PLAGL1: variants seen among roughly 807,000 people sequenced by gnomAD.
PLAGL1 encodes the protein zinc finger protein PLAGL1.
In PLAGL1, 1 loss-of-function variant was observed where a neutral mutation model predicts 4.6. That is an observed-to-expected ratio of 0.22 (90% CI 0.08 to 1.03). The LOEUF (loss-of-function observed/expected upper bound fraction) is 1.03, where lower values mean the gene tolerates loss of function less well. Among genes scored for constraint, PLAGL1 ranks in the 50% least tolerant of loss-of-function variants. The pLI is 0.58. For synonymous variants in PLAGL1, 240 were observed against 237.8 expected, an observed-to-expected ratio of 1.01 and a Z score of -0.08; for missense variants, 464 against 570.4, an observed-to-expected ratio of 0.81 and a Z score of 1.90.
At chr6:144,019,762 A>C (rs1307611241) in intron 1 of PLAGL1, among the ~76,000 whole-genome samples, 1 of 144,380 alleles carries the variant, frequency 6.9e-6, no homozygotes, top group East Asian at 2.1e-4. Flanking sequence ...TTTGTTTTGA[A>C]AAATTTCAAA....
At chr6:144,019,011 G>A (rs1389012931) in intron 1 of PLAGL1, among the ~76,000 whole-genome samples, 1 of 151,958 alleles carries the variant, frequency 6.6e-6, no homozygotes, top group Non-Finnish European at 1.5e-5. Flanking sequence ...TCCAGCCTGG[G>A]GTACAGAGAA....
rs1340792691 is a variant in PLAGL1, at chr6:143,954,434, C to T, written c.-324-5974G>A. 6.6e-6 allele frequency among the ~76,000 whole-genome samples: 1 copy of T among 152,200 alleles called. No individual in the cohort carries two copies. Among genetic ancestry groups the T allele is most frequent in the Non-Finnish European group, 1.5e-5 (1 of 68,044 alleles). On this transcript the variant is annotated intron_variant, in intron 6 of 7. Transcript: ENST00000674357. This position sits in a 1 kb window ranked among gnomAD's most constrained non-coding sequence, Gnocchi z 5.1. Reference sequence around the variant, plus strand: ...ACAAAAAGGCAGTGGCAGTGCAAGACCCCAGGGGCTGGGACAGGCATTTGA... The same window carrying T: ...ACAAAAAGGCAGTGGCAGTGCAAGATCCCAGGGGCTGGGACAGGCATTTGA...
At chr6:144,029,287 TAATA>T (rs1196300044) in intron 1 of PLAGL1, among the ~76,000 whole-genome samples, 1 of 152,114 alleles carries the variant, frequency 6.6e-6, no homozygotes, top group Non-Finnish European at 1.5e-5. Flanking sequence ...ACAAAAAAAT[TAATA>T]AATTCAACCA....
chr6:144,001,443 C>A (rs7739972), intron 1 of PLAGL1, among the ~76,000 whole-genome samples: 3,367 of 152,128 alleles, frequency 0.022, 129 homozygotes, highest in African/African-American at 0.076. Context: ...TGGAAAATCA[C>A]CATTAGAATA....
rs1482512492 is a variant in PLAGL1, at chr6:144,064,274, C to A, written c.-151+194G>T. Among the ~76,000 whole-genome samples the A allele has an allele frequency of 6.6e-6, 1 of 152,186 alleles. No individual in the cohort carries two copies. Among genetic ancestry groups the A allele is most frequent in the Non-Finnish European group, 1.5e-5 (1 of 68,016 alleles). ...TGTCCCAAGCACCGACCGCCATCCC[C>A]GGCAGGACGCAGGCAGGAGCCTCGG... On this transcript the variant is annotated intron_variant, in intron 1 of 3. Transcript: ENST00000437412. The surrounding 1 kb of genome is among the most constrained non-coding windows in gnomAD (Gnocchi z 6.8).
At chr6:144,021,622 G>A (rs1407426944) in intron 1 of PLAGL1, among the ~76,000 whole-genome samples, 1 of 152,144 alleles carries the variant, frequency 6.6e-6, no homozygotes, top group Non-Finnish European at 1.5e-5. Flanking sequence ...TAAACATGGA[G>A]GTCATTTCTG....
Position 143,963,694 on chromosome 6 carries a change from T to A in PLAGL1, c.-399+1093A>T, listed in dbSNP as rs918203329. On this transcript the variant is annotated intron_variant, in intron 5 of 7. Transcript: ENST00000674357. The surrounding 1 kb of genome is among the most constrained non-coding windows in gnomAD (Gnocchi z 6.1). ...TCCCAGCCTCTCCAAACTTAGAAGC[T>A]CTGCAGTCTAGATTGTTCTCAGAGA... 6.6e-6 allele frequency among the ~76,000 whole-genome samples: 1 copy of A among 152,208 alleles called. No homozygotes were observed. The highest frequency in any genetic ancestry group is 1.5e-5 in the Non-Finnish European group (1 of 68,044).
At position 143,995,463 on chromosome 6, in the gene PLAGL1, C is replaced by G. The variant is rs1474369020; in HGVS notation, c.-583-10289G>C. ...TAAGTTAAGCCAAGGAAACATGATT[C>G]TAAACTACATAATTTAAACAGATTT... On this transcript the variant is annotated intron_variant, in intron 1 of 7. Coordinates refer to ENST00000674357, the MANE Select transcript of PLAGL1 (RefSeq NM_001317162.2). This position sits in a 1 kb window ranked among gnomAD's most constrained non-coding sequence, Gnocchi z 4.4. 2.6e-5 allele frequency among the ~76,000 whole-genome samples: 4 copies of G among 152,076 alleles called. No homozygotes were observed. The highest frequency in any genetic ancestry group is 5.9e-5 in the Non-Finnish European group (4 of 68,000).
rs550813451 is a variant in PLAGL1 at position 144,042,842 on chromosome 6, T to G, written c.-151+21626A>C. ...TCTTCCATTTGTTTGTGTTCTCTTT[T>G]ATTTTGTTGAGCAGTGGTTTATAGT... On this transcript the variant is annotated intron_variant, in intron 1 of 3. Transcript: ENST00000437412. Among the ~76,000 whole-genome samples the G allele has an allele frequency of 2.0e-5, 3 of 152,362 alleles. No individual in the cohort carries two copies. In the East Asian group the frequency reaches 5.8e-4, roughly 29 times the overall value.
rs1458227742 is a variant in PLAGL1, at chr6:144,053,581, T to C, written c.-151+10887A>G. ...CTGTGCAAAATACTATTTGATTAAA[T>C]ATGATGGACAGTACAGACAATAAGT... On this transcript the variant is annotated intron_variant, in intron 1 of 3. Coordinates refer to the PLAGL1 transcript ENST00000437412. The surrounding 1 kb of genome is among the most constrained non-coding windows in gnomAD (Gnocchi z 4.0). Among the ~76,000 whole-genome samples the C allele has an allele frequency of 6.6e-6, 1 of 152,196 alleles. No individual in the cohort carries two copies. The highest frequency in any genetic ancestry group is 1.5e-5 in the Non-Finnish European group (1 of 68,036).
chr6:143,981,633 CAT>C (rs1787976696), intron 2 of PLAGL1, among the ~76,000 whole-genome samples: 1 of 152,106 alleles, frequency 6.6e-6, no homozygotes, highest in South Asian at 2.1e-4. Context: ...GCCTTTGTTT[CAT>C]ATGTTTTATG....
chr6:143,972,456 T>C lies in PLAGL1; in HGVS notation c.-543-3478A>G, dbSNP rs528272935. ...TGTGATAATCTCAAGACTTTTTCTT[T>C]AGTGTGTTCTAAAAAGGTGGTAATT... On this transcript the variant is annotated intron_variant, in intron 2 of 7. Transcript: ENST00000674357. This position sits in a 1 kb window ranked among gnomAD's most constrained non-coding sequence, Gnocchi z 6.8. Among the ~76,000 whole-genome samples, 3 of 152,358 alleles carry C rather than the reference T, an allele frequency of 2.0e-5. No individual in the cohort carries two copies. The South Asian group carries it at 6.2e-4, about 32-fold the overall frequency.
intron 1 of PLAGL1, among the ~76,000 whole-genome samples, chr6:144,058,009 A>C (rs908561254): frequency 3.3e-5 from 5 of 152,228 alleles, no homozygotes; most frequent in African/African-American, 1.2e-4. Context: ...AATTGGTGTC[A>C]TTTCCAAAAT....
Position 143,941,437 on chromosome 6 carries a change from T to C in PLAGL1, c.1379A>G (p.His460Arg). The C allele has an allele frequency of 2.0e-6, 3 of 1,500,290 alleles. No individual in the cohort carries two copies. The highest frequency in any genetic ancestry group is 2.7e-6 in the Non-Finnish European group (3 of 1,124,756). 92.9% of individuals were successfully genotyped at this position (1,500,290 alleles called of 1,614,324 possible). A position where few individuals can be genotyped will look rare whatever the true frequency, so the allele number is the denominator to read the frequency against. ...TTTAAAAATCAATTATCTGAATGCA[T>C]GATGGAAATGAGGCAGGATGGCAGA... is the stretch of plus-strand genomic sequence containing the variant. Reference protein sequence around the residue: ...TGSAILPHFHHAFR With the variant: ...TGSAILPHFHRAFR The change falls in exon 8 of 8, where the codon CAT becomes CGT. Residue 460 changes from histidine (H) to arginine (R), a missense_variant. His to Arg is a conservative substitution (Grantham distance 29). This residue lies in a region of PLAGL1 where 20 missense variants were observed against 46.3 expected (regional missense o/e 0.43). Transcript: ENST00000674357. The surrounding 1 kb of genome is among the most constrained non-coding windows in gnomAD (Gnocchi z 6.0).
Position 143,947,913 on chromosome 6 carries a change from G to A in PLAGL1, c.152+72C>T, listed in dbSNP as rs1482523270. The A allele has an allele frequency of 7.1e-6, 9 of 1,267,810 alleles. No homozygotes were observed. The highest frequency in any genetic ancestry group is 1.3e-5 in the South Asian group (1 of 77,010). The allele number at this position is 1,267,810 out of a possible 1,614,324, so 78.5% of individuals were successfully genotyped here. On this transcript the variant is annotated intron_variant, in intron 7 of 7. Transcript: ENST00000674357. This position sits in a 1 kb window ranked among gnomAD's most constrained non-coding sequence, Gnocchi z 4.3. ...TCCTGTGTCCCTTTCCCCTTGCATC[G>A]TGTGGTCTGAGGGCTAGAAAAGCCA...
In PLAGL1 at chr6:143,960,021, C is replaced by T. The variant is rs1262149615; in HGVS notation, c.-325+448G>A. On this transcript the variant is annotated intron_variant, in intron 6 of 7. Transcript: ENST00000674357. The surrounding 1 kb of genome is among the most constrained non-coding windows in gnomAD (Gnocchi z 5.7). The stretch of plus-strand genomic sequence containing the variant: ...AGTATGGCTGGATTGCCTCATGTGG[C>T]TGGGATGCGACCAGCATCTTTCCCA... 6.6e-6 allele frequency among the ~76,000 whole-genome samples: 1 copy of T among 152,210 alleles called. No individual in the cohort carries two copies. Among genetic ancestry groups the T allele is most frequent in the Admixed American group, 6.5e-5 (1 of 15,288 alleles).
chr6:143,993,329 A>AT (rs779507833), intron 1 of PLAGL1, among the ~76,000 whole-genome samples: 1 of 66,770 alleles, frequency 1.5e-5, no homozygotes, highest in Non-Finnish European at 3.2e-5. Flanking sequence ...AAAACAAAAC[A>AT]AAACACACAC....
rs1788363558 is a variant in PLAGL1 at position 143,983,408 on chromosome 6, G to A, written c.-544+1727C>T. Among the ~76,000 whole-genome samples the A allele has an allele frequency of 6.6e-6, 1 of 152,158 alleles. No individual in the cohort carries two copies. The highest frequency in any genetic ancestry group is 2.1e-4 in the South Asian group (1 of 4,830). On this transcript the variant is annotated intron_variant, in intron 2 of 7. Coordinates refer to ENST00000674357, the MANE Select transcript of PLAGL1 (RefSeq NM_001317162.2). The surrounding 1 kb of genome is among the most constrained non-coding windows in gnomAD (Gnocchi z 6.6). ...TTAAATAATTTTTTTAAGTAAAGCA[G>A]GGAGGTGGGAATGCATGATGCAGGA...
upstream of PLAGL1, among the ~76,000 whole-genome samples, chr6:144,009,924 G>A (rs1246250842): frequency 1.3e-5 from 2 of 152,152 alleles, no homozygotes; most frequent in African/African-American, 4.8e-5. Context: ...ATCACCAATG[G>A]CCATTTGGGT....
Sources: gnomAD v4.1 joint callset for allele counts (sites outside exome capture counted in the v4.1 genomes callset) on GRCh38, gnomAD v4.1.1 for gene constraint, gnomAD v4.1.1 regional missense constraint, Gnocchi (gnomAD v3.1) non-coding constraint, MANE v1.5 for transcripts, NCBI Gene and HGNC (gene_info 2026-07-23, HGNC 2026-07-21) for gene names.